The following ARHGEF9 variants were observed in gnomAD, a reference collection of about 807,000 sequenced individuals.
The protein encoded by ARHGEF9 is Cdc42 guanine nucleotide exchange factor 9, also known as rho guanine nucleotide exchange factor 9.
A neutral mutation model predicts 41.3 loss-of-function variants in ARHGEF9; 2 were observed. The ratio of observed to expected loss-of-function variants is 0.05; its 90% CI spans 0.02 to 0.15. ARHGEF9 has a LOEUF of 0.15. ARHGEF9 is among the 10% of genes least tolerant of loss of function. ARHGEF9 has a pLI of 1.00. For missense variants in ARHGEF9, 225 were observed against 424.7 expected, an observed-to-expected ratio of 0.53 and a Z score of 4.13; for synonymous variants, 160 against 154.4, an observed-to-expected ratio of 1.04 and a Z score of -0.27.
chrX:63,769,769 A>C (rs1235265527), intron 1 of ARHGEF9, among the ~76,000 whole-genome samples: 1 of 112,694 alleles, frequency 8.9e-6, no homozygotes, highest in Non-Finnish European at 1.9e-5. Context: ...GGCAGCTCCC[A>C]TGTAGTGTTA....
At position 63,655,966 on chromosome X, in the gene ARHGEF9, C is replaced by T. The variant is rs782017423; in HGVS notation, c.1078-229G>A. The stretch of plus-strand genomic sequence containing the variant: ...TCACCTCGAAAGATCATTTCAGACA[C>T]CAGAATCAATCCTTGGACGTGTGTG... On this transcript the variant is annotated intron_variant, in intron 7 of 9. Transcript: ENST00000671741. Among the ~76,000 whole-genome samples the T allele has an allele frequency of 2.7e-5, 3 of 112,101 alleles. No individual in the cohort carries two copies. In the East Asian group the frequency reaches 8.5e-4, roughly 32 times the overall value.
chrX:63,664,553 AC>A (rs1556345675), intron 7 of ARHGEF9, among the ~76,000 whole-genome samples: 1 of 112,320 alleles, frequency 8.9e-6, no homozygotes, highest in African/African-American at 3.2e-5. Flanking sequence ...TTCCATGGCC[AC>A]CTAAATTAAC....
intron 2 of ARHGEF9, among the ~76,000 whole-genome samples, chrX:63,706,934 T>C (rs1330597199): frequency 3.6e-5 from 4 of 112,116 alleles, no homozygotes; most frequent in Admixed American, 2.8e-4. Context: ...TCTCTACCTC[T>C]TCAAGACTGG....
intron 1 of ARHGEF9, among the ~76,000 whole-genome samples, chrX:63,784,798 T>TC (rs2056435795): frequency 9.0e-6 from 1 of 110,737 alleles, no homozygotes; most frequent in Non-Finnish European, 1.9e-5. Context: ...CCCTCTGCCA[T>TC]CCCCCTTCCC....
intron 5 of ARHGEF9, among the ~76,000 whole-genome samples, chrX:63,674,897 T>A (rs1215619199): frequency 9.0e-6 from 1 of 111,629 alleles, no homozygotes; most frequent in African/African-American, 3.3e-5. Context: ...GAAAGGGAGC[T>A]GGAACTTGAA....
intron 3 of ARHGEF9, among the ~76,000 whole-genome samples, chrX:63,700,649 A>T (rs2052092257): frequency 9.0e-6 from 1 of 111,646 alleles, no homozygotes; most frequent in Non-Finnish European, 1.9e-5. Flanking sequence ...TCAGAGGAAC[A>T]CCAAGAAAAT....
intron 5 of ARHGEF9, among the ~76,000 whole-genome samples, chrX:63,676,116 C>G (rs2050247517): frequency 8.9e-6 from 1 of 112,157 alleles, no homozygotes; most frequent in African/African-American, 3.2e-5. Flanking sequence ...ATTGCCAGGG[C>G]AGATCCTACG....
intron 4 of ARHGEF9, among the ~76,000 whole-genome samples, chrX:63,689,606 C>A (rs1361931752): frequency 8.9e-6 from 1 of 111,881 alleles, no homozygotes; most frequent in East Asian, 2.8e-4. Context: ...AAGATATCAA[C>A]AAAGAAATAC....
intron 1 of ARHGEF9, among the ~76,000 whole-genome samples, chrX:63,771,757 G>A (rs1225717173): frequency 9.0e-6 from 1 of 111,154 alleles, no homozygotes; most frequent in Non-Finnish European, 1.9e-5. Flanking sequence ...AGTAGATACA[G>A]GGTTTCACCA....
chrX:63,688,303 G>A lies in ARHGEF9; in HGVS notation c.582+8822C>T, dbSNP rs782496338. Among the ~76,000 whole-genome samples the A allele has an allele frequency of 7.2e-5, 8 of 111,615 alleles. No individual in the cohort carries two copies. In the South Asian group the frequency reaches 2.7e-3, roughly 37 times the overall value. ...AGCCATCCTTCAAACATGAAGGAGA[G>A]ATACAGACTTTCCCAGACAGAAGCT... On this transcript the variant is annotated intron_variant, in intron 4 of 9. Transcript: ENST00000671741.
At position 63,635,280 on chromosome X, in the gene ARHGEF9, G is replaced by A. The variant is rs1168345962; in HGVS notation, c.*2748C>T. On this transcript the variant is annotated 3_prime_UTR_variant, in exon 10 of 10. Transcript: ENST00000671741. ...TAGATCCATTAGAAATATACACATA[G>A]AGAGGGGGGGAAAAAGAGAGAATAA... The A allele has an allele frequency of 1.4e-5, 7 of 505,606 alleles. No homozygotes were observed. In the African/African-American group the frequency reaches 1.7e-4, roughly 12 times the overall value. The allele number at this position is 505,606 out of a possible 1,213,427, so 41.7% of individuals were successfully genotyped here.
intron 2 of ARHGEF9, among the ~76,000 whole-genome samples, chrX:63,724,319 T>C (rs1187556877): frequency 1.8e-5 from 2 of 108,441 alleles, no homozygotes; most frequent in Non-Finnish European, 3.8e-5. Flanking sequence ...GGGGCGGGGG[T>C]GTTAAACAAG....
At chrX:63,747,013 C>A (rs1468096073) in intron 1 of ARHGEF9, among the ~76,000 whole-genome samples, 1 of 112,002 alleles carries the variant, frequency 8.9e-6, no homozygotes, top group Non-Finnish European at 1.9e-5. Context: ...ATTAAGAAGG[C>A]AAAACTGCTA....
intron 8 of ARHGEF9, among the ~76,000 whole-genome samples, chrX:63,646,925 G>C (rs1229025124): frequency 8.1e-5 from 9 of 111,044 alleles, no homozygotes; most frequent in Non-Finnish European, 1.1e-4. Flanking sequence ...GTTTGTAGTT[G>C]TCCTTGAAGA....
At chrX:63,720,708 T>C (rs781785450) in intron 2 of ARHGEF9, among the ~76,000 whole-genome samples, 2 of 112,165 alleles carry the variant, frequency 1.8e-5, no homozygotes, top group Non-Finnish European at 3.8e-5. Context: ...GTTGCCTCAG[T>C]ATTTATACAA....
intron 2 of ARHGEF9, among the ~76,000 whole-genome samples, chrX:63,711,409 T>C (rs2147537721): frequency 9.0e-6 from 1 of 111,665 alleles, no homozygotes; most frequent in East Asian, 2.8e-4. Context: ...CAAAACTTAC[T>C]ACAAACCTAC....
intron 8 of ARHGEF9, among the ~76,000 whole-genome samples, chrX:63,648,499 C>T (rs1332244585): frequency 9.0e-6 from 1 of 111,394 alleles, no homozygotes; most frequent in Non-Finnish European, 1.9e-5. Context: ...CAAAAGCACG[C>T]CAAATTGTAA....
Position 63,638,053 on chromosome X carries a change from C to A in ARHGEF9, c.1547G>T (p.Ser516Ile). Residue 516 changes from serine (S) to isoleucine (I), a missense_variant, in exon 10 of 10, where the codon AGC becomes ATC. Transcript: ENST00000671741. ...RSQSPFWQNF[S>I]RLTPFKK Reference sequence around the variant, plus strand: ...TCATTTTTTGAAGGGGGTTAACCTGCTGAAGTTTTGCCAGAATGGTGACTG... The same window carrying A: ...TCATTTTTTGAAGGGGGTTAACCTGATGAAGTTTTGCCAGAATGGTGACTG... 3 of 1,210,862 alleles carry A rather than the reference C, an allele frequency of 2.5e-6. No homozygotes were observed. The highest frequency in any genetic ancestry group is 3.4e-6 in the Non-Finnish European group (3 of 895,265).
At chrX:63,756,268 A>T (rs1556446915) in intron 1 of ARHGEF9, among the ~76,000 whole-genome samples, 2 of 112,181 alleles carry the variant, frequency 1.8e-5, no homozygotes, top group African/African-American at 6.5e-5. Context: ...TATACAGGAG[A>T]TCTCTCAGAG....
Sources: allele counts gnomAD v4.1 joint callset (sites outside exome capture counted in the v4.1 genomes callset), GRCh38; gene constraint gnomAD v4.1.1; transcripts MANE v1.5; gene names NCBI Gene and HGNC (gene_info 2026-07-23, HGNC 2026-07-21).